Variants in LONP2 observed in about 807,000 individuals in gnomAD.
The protein encoded by LONP2 is lon peptidase 2, peroxisomal.
LONP2 carries 60 observed loss-of-function variants against 85.6 expected under a neutral mutation model. That is an observed-to-expected ratio of 0.70 (90% CI 0.57 to 0.87). The LOEUF is 0.87. Among genes scored for constraint, LONP2 ranks in the 40% least tolerant of loss-of-function variants. LONP2 has a pLI of 0.00. For synonymous variants in LONP2, 395 were observed against 389.7 expected, an observed-to-expected ratio of 1.01 and a Z score of -0.16; for missense variants, 860 against 1,063.5, an observed-to-expected ratio of 0.81 and a Z score of 2.66.
At chr16:48,300,843 A>G (rs1039538911) in intron 10 of LONP2, among the ~76,000 whole-genome samples, 2 of 152,200 alleles carry the variant, frequency 1.3e-5, no homozygotes, top group South Asian at 2.1e-4. Context: ...GTAACTTTCA[A>G]TAAGTCATTT....
intron 11 of LONP2, among the ~76,000 whole-genome samples, chr16:48,320,714 T>C (rs778509951): frequency 6.6e-6 from 1 of 152,122 alleles, no homozygotes; most frequent in South Asian, 2.1e-4. Flanking sequence ...ATTTTCTGAG[T>C]CTGACATTTA....
chr16:48,272,398 A>G (rs1331193940), intron 7 of LONP2, among the ~76,000 whole-genome samples: 1 of 152,216 alleles, frequency 6.6e-6, no homozygotes, highest in Non-Finnish European at 1.5e-5. Context: ...ACCACTTACA[A>G]ACATCACTGG....
intron 4 of LONP2, among the ~76,000 whole-genome samples, chr16:48,260,367 A>G (rs957896548): frequency 1.3e-5 from 2 of 152,142 alleles, no homozygotes; most frequent in African/African-American, 4.8e-5. Context: ...GAGGCCAAGG[A>G]AGGAGAATTG....
In LONP2 at chr16:48,261,532, C is replaced by T. The variant is rs887572577; in HGVS notation, c.832C>T (p.Arg278Ter). The change falls in exon 5 of 15, where the codon CGA becomes TGA. Residue 278 changes from arginine to a stop codon, truncating the protein, a stop_gained. Coordinates refer to ENST00000285737, the MANE Select transcript of LONP2 (RefSeq NM_031490.5). LOFTEE classifies it high-confidence loss of function. ...DDIVMLEKKI[R>*]TSSMPEQAHK... is the part of the protein sequence containing the mutation. ...CATTGTCATGCTAGAGAAAAAAATA[C>T]GAACATCTAGTATGCCAGAGCAGGC... 6.9e-6 allele frequency: 11 copies of T among 1,605,376 alleles called. No individual in the cohort carries two copies. The highest frequency in any genetic ancestry group is 2.7e-5 in the African/African-American group (2 of 73,488).
intron 4 of LONP2, among the ~76,000 whole-genome samples, chr16:48,259,229 A>G (rs1971826197): frequency 6.6e-6 from 1 of 152,128 alleles, no homozygotes; most frequent in Non-Finnish European, 1.5e-5. Context: ...ATAAATATTC[A>G]CTTTCCTTTC....
rs1175298443 is a variant in LONP2 at position 48,262,810 on chromosome 16, A to AT, written c.921dup (p.Ala308CysfsTer4). ...AAAATGCCTCAGTCAATGCCAGAATATGCTCTGACTAGAAATTATTTGGAA... is the reference window on the plus strand; with the variant it reads ...AAAATGCCTCAGTCAATGCCAGAATATTGCTCTGACTAGAAATTATTTGGAA... On this transcript the variant is annotated frameshift_variant, in exon 6 of 15. Coordinates refer to ENST00000285737, the MANE Select transcript of LONP2 (RefSeq NM_031490.5). LOFTEE classifies it high-confidence loss of function. 1 of 1,612,386 alleles carries AT rather than the reference A, an allele frequency of 6.2e-7. No homozygotes were observed. Among genetic ancestry groups the AT allele is most frequent in the Non-Finnish European group, 8.5e-7 (1 of 1,179,108 alleles).
chr16:48,299,803 C>T lies in LONP2; in HGVS notation c.1661+15C>T. ...ATCATCACCAGGTTAGTTAGCCATCCTGAGGCTTCATTAACTCCAGGCAAC... is the reference window on the plus strand; with the variant it reads ...ATCATCACCAGGTTAGTTAGCCATCTTGAGGCTTCATTAACTCCAGGCAAC... On this transcript the variant is annotated intron_variant, in intron 10 of 14. Coordinates refer to ENST00000285737, the MANE Select transcript of LONP2 (RefSeq NM_031490.5). 1 of 1,605,396 alleles carries T rather than the reference C, an allele frequency of 6.2e-7. No individual in the cohort carries two copies. The highest frequency in any genetic ancestry group is 8.5e-7 in the Non-Finnish European group (1 of 1,177,148).
chr16:48,290,139 G>T (rs1429339830), intron 8 of LONP2, among the ~76,000 whole-genome samples: 1 of 152,022 alleles, frequency 6.6e-6, no homozygotes, highest in Non-Finnish European at 1.5e-5. Context: ...AACCAGTTAT[G>T]AATTGTATCT....
chr16:48,276,579 C>T (rs910115170), intron 7 of LONP2, among the ~76,000 whole-genome samples: 4 of 152,194 alleles, frequency 2.6e-5, no homozygotes, highest in African/African-American at 9.7e-5. Context: ...TCATGCCACA[C>T]TCTACATCTG....
At chr16:48,245,692 T>TA (rs1436571726) in intron 1 of LONP2, among the ~76,000 whole-genome samples, 1 of 152,256 alleles carries the variant, frequency 6.6e-6, no homozygotes, top group Non-Finnish European at 1.5e-5. Context: ...TTTTGATTAA[T>TA]ACATTTTATA....
chr16:48,357,998 T>G (rs1220008989), downstream of LONP2, among the ~76,000 whole-genome samples: 1 of 152,166 alleles, frequency 6.6e-6, no homozygotes, highest in African/African-American at 2.4e-5. Flanking sequence ...TACAGCCTCC[T>G]GAAAGACACC....
intron 4 of LONP2, among the ~76,000 whole-genome samples, chr16:48,259,573 A>G (rs1971833585): frequency 6.6e-6 from 1 of 152,242 alleles, no homozygotes; most frequent in Non-Finnish European, 1.5e-5. Context: ...GTTGAGAATT[A>G]TGTTAGCAAT....
intron 8 of LONP2, among the ~76,000 whole-genome samples, chr16:48,289,179 G>A (rs191457099): frequency 6.6e-6 from 1 of 152,230 alleles, no homozygotes; most frequent in Non-Finnish European, 1.5e-5. Flanking sequence ...TTTGAGACAG[G>A]TCTCAGTTAA....
chr16:48,282,278 G>T (rs1262799135), intron 8 of LONP2, among the ~76,000 whole-genome samples: 1 of 151,880 alleles, frequency 6.6e-6, no homozygotes, highest in Non-Finnish European at 1.5e-5. Flanking sequence ...GGGCATGGTC[G>T]TGCATGCCTG....
intron 7 of LONP2, among the ~76,000 whole-genome samples, chr16:48,274,543 A>G (rs1972167585): frequency 1.3e-5 from 2 of 152,090 alleles, no homozygotes; most frequent in Non-Finnish European, 2.9e-5. Flanking sequence ...TTGTTTAGAC[A>G]TGCTATTATA....
intron 11 of LONP2, among the ~76,000 whole-genome samples, chr16:48,322,421 C>G (rs1973285067): frequency 6.6e-6 from 1 of 152,192 alleles, no homozygotes; most frequent in African/African-American, 2.4e-5. Flanking sequence ...TCTTCAGTTT[C>G]ACTGTCTTCC....
intron 12 of LONP2, among the ~76,000 whole-genome samples, chr16:48,338,508 AG>A (rs1312743695): frequency 6.6e-6 from 1 of 152,170 alleles, no homozygotes; most frequent in Non-Finnish European, 1.5e-5. Flanking sequence ...CCAGAGTGAC[AG>A]GGCATGTGTA....
At position 48,351,966 on chromosome 16, in the gene LONP2, TATAAG is replaced by T. The variant is rs750796568; in HGVS notation, c.*167_*171del. 13 of 609,310 alleles carry T rather than the reference TATAAG, an allele frequency of 2.1e-5. No individual in the cohort carries two copies. The highest frequency in any genetic ancestry group is 3.7e-5 in the Non-Finnish European group (13 of 348,740). 37.7% of individuals were successfully genotyped at this position (609,310 alleles called of 1,614,324 possible). A position where few individuals can be genotyped will look rare whatever the true frequency, so the allele number is the denominator to read the frequency against. On this transcript the variant is annotated 3_prime_UTR_variant, in exon 15 of 15. Coordinates refer to ENST00000285737, the MANE Select transcript of LONP2 (RefSeq NM_031490.5). ...TAGTGGCTAGTGTTTAGTATAGAAA[TATAAG>T]ATGTTGATTTAGTAAACTGATAAAA...
At position 48,352,465 on chromosome 16, in the gene LONP2, A is replaced by G. The variant is rs1960180347; in HGVS notation, c.*663A>G. The G allele has an allele frequency of 6.6e-6, 1 of 152,124 alleles. No individual in the cohort carries two copies. Among genetic ancestry groups the G allele is most frequent in the South Asian group, 2.1e-4 (1 of 4,812 alleles). The allele number at this position is 152,124 out of a possible 1,614,324, so 9.4% of individuals were successfully genotyped here. A position where few individuals can be genotyped will look rare whatever the true frequency, so the allele number is the denominator to read the frequency against. On this transcript the variant is annotated 3_prime_UTR_variant, in exon 15 of 15. Transcript: ENST00000285737. Reference sequence around the variant, plus strand: ...TTCAAGACAATCCTGGCCAACGGCGAAACTCTGTCTCTACAAAAAATATAC... The same window carrying G: ...TTCAAGACAATCCTGGCCAACGGCGGAACTCTGTCTCTACAAAAAATATAC...
Sources: allele counts gnomAD v4.1 joint callset (sites outside exome capture counted in the v4.1 genomes callset), GRCh38; gene constraint gnomAD v4.1.1; transcripts MANE v1.5; gene names NCBI Gene and HGNC (gene_info 2026-07-23, HGNC 2026-07-21).